RPH3A: variants seen among roughly 807,000 people sequenced by gnomAD.
RPH3A encodes rabphilin-3A.
In RPH3A, 48 loss-of-function variants were observed where a neutral mutation model predicts 102.2. That is an observed-to-expected ratio of 0.47 (90% confidence interval 0.37 to 0.60). RPH3A has a LOEUF of 0.60. Ranked by LOEUF, RPH3A falls within the 20% of genes least tolerant of loss-of-function variation. The pLI is 0.00. For synonymous variants in RPH3A, 310 were observed against 324.3 expected, an observed-to-expected ratio of 0.96 and a Z score of 0.47; for missense variants, 781 against 910.1, an observed-to-expected ratio of 0.86 and a Z score of 1.83.
intron 14 of RPH3A, among the ~76,000 whole-genome samples, chr12:112,881,362 T>C (rs1159495189): frequency 6.6e-6 from 1 of 152,158 alleles, no homozygotes. Context: ...GACCTTGCCT[T>C]TATTCTTCTG....
chr12:112,617,620 C>T (rs978699022), intron 1 of RPH3A: 4 of 152,214 alleles, frequency 2.6e-5, no homozygotes, highest in African/African-American at 9.6e-5. Flanking sequence ...ACGGAAGGAA[C>T]AAAGTTTAAT....
intron 1 of RPH3A, among the ~76,000 whole-genome samples, chr12:112,620,734 G>A (rs992630827): frequency 7.9e-5 from 12 of 152,082 alleles, no homozygotes; most frequent in African/African-American, 2.4e-4. Flanking sequence ...TGCTCCTTCC[G>A]TGGTCTTGCC....
At position 112,883,356 on chromosome 12, in the gene RPH3A, G is replaced by T. The variant is rs35555961; in HGVS notation, c.1390G>T (p.Val464Leu). ...TRNPIWNETL[V>L]YHGITDEDMQ... ...GAACCCCATCTGGAATGAGACCCTCGTGTATCACGGCATCACCGATGAGGA... is the reference window on the plus strand; with the variant it reads ...GAACCCCATCTGGAATGAGACCCTCTTGTATCACGGCATCACCGATGAGGA... The change falls in exon 16 of 22, where the codon GTG (valine) becomes TTG (leucine). Residue 464 changes from valine to leucine, a missense_variant. This residue lies in a region of RPH3A where 730 missense variants were observed against 810.0 expected (regional missense o/e 0.90). Transcript: ENST00000389385. The T allele has an allele frequency of 1.1e-3, 1,845 of 1,614,126 alleles. 3 individuals carry two copies. Among genetic ancestry groups the T allele is most frequent in the Non-Finnish European group, 1.3e-3 (1,533 of 1,180,018 alleles).
rs745314704 is a variant in RPH3A, at chr12:112,869,791, A to C, written c.643A>C (p.Lys215Gln). 6.8e-6 allele frequency: 11 copies of C among 1,614,168 alleles called. No homozygotes were observed. Among genetic ancestry groups the C allele is most frequent in the Non-Finnish European group, 9.3e-6 (11 of 1,180,012 alleles). ...TGAAGATAGGAGGGGCCCGGGTCAG[A>C]AGACAGGTGGGTTCTGCTGACTCTG... ...DSEDRRGPGQ[K>Q]TGPDPASAPG... Residue 215 changes from lysine (K) to glutamine (Q), a missense_variant, in exon 9 of 22, where the codon AAG becomes CAG. Physicochemically the swap from Lys to Gln is moderately conservative, Grantham distance 53. This residue lies in a region of RPH3A where 730 missense variants were observed against 810.0 expected (regional missense o/e 0.90). Coordinates refer to ENST00000389385, the MANE Select transcript of RPH3A (RefSeq NM_001143854.2).
intron 1 of RPH3A, among the ~76,000 whole-genome samples, chr12:112,635,147 G>A (rs775793766): frequency 1.3e-5 from 2 of 152,148 alleles, no homozygotes; most frequent in African/African-American, 4.8e-5. Context: ...TATGGTTTCC[G>A]TTTCAACTAT....
intron 5 of RPH3A, among the ~76,000 whole-genome samples, chr12:112,856,249 T>C (rs536448492): frequency 2.7e-4 from 41 of 152,364 alleles, no homozygotes; most frequent in Non-Finnish European, 4.7e-4. Context: ...CGCATCAAGA[T>C]GTTGCAGCAG....
intron 1 of RPH3A, among the ~76,000 whole-genome samples, chr12:112,756,963 T>C (rs1316662482): frequency 6.6e-6 from 1 of 152,252 alleles, no homozygotes; most frequent in Non-Finnish European, 1.5e-5. Flanking sequence ...GTAGTTTTAC[T>C]TTGCATTTCT....
At chr12:112,787,954 C>T (rs570296713), upstream of RPH3A, among the ~76,000 whole-genome samples, 8 of 152,326 alleles carry the variant, frequency 5.3e-5, no homozygotes, top group South Asian at 2.1e-4. Context: ...GAGGAATCTT[C>T]GCAATGTTCT....
intron 10 of RPH3A, 178 bp from the exon 11 acceptor site, chr12:112,874,904 GTA>G (rs1287330717): frequency 3.5e-6 from 2 of 574,034 alleles, no homozygotes; most frequent in Non-Finnish European, 6.2e-6. Context: ...CAGAGTCTGA[GTA>G]TTGAGAAGAA....
intron 1 of RPH3A, among the ~76,000 whole-genome samples, chr12:112,662,105 T>C (rs2040052782): frequency 6.6e-6 from 1 of 152,216 alleles, no homozygotes; most frequent in South Asian, 2.1e-4. Context: ...TTATTTACTC[T>C]AAAAGCATTG....
At chr12:112,715,415 C>T (rs1297213172) in intron 1 of RPH3A, among the ~76,000 whole-genome samples, 1 of 152,100 alleles carries the variant, frequency 6.6e-6, no homozygotes, top group Non-Finnish European at 1.5e-5. Context: ...TATGTATTGC[C>T]TTTTCCTCTA....
chr12:112,888,068 T>A, intron 17 of RPH3A, 145 bp downstream of exon 17: 2 of 853,884 alleles, frequency 2.3e-6, no homozygotes, highest in Non-Finnish European at 3.6e-6. Flanking sequence ...GAGTCAAGAT[T>A]CCAGCTCACA....
intron 1 of RPH3A, among the ~76,000 whole-genome samples, chr12:112,683,166 G>C (rs566232252): frequency 1.3e-5 from 2 of 152,182 alleles, no homozygotes; most frequent in Admixed American, 6.5e-5. Flanking sequence ...CTTGGTGGTG[G>C]TGTAGGGGGT....
intron 1 of RPH3A, among the ~76,000 whole-genome samples, chr12:112,655,143 C>T (rs1027358876): frequency 2.0e-5 from 3 of 152,216 alleles, no homozygotes; most frequent in Non-Finnish European, 4.4e-5. Context: ...CAGAGCAAGA[C>T]GGTTATCCTG....
At chr12:112,608,056 T>G (rs1223585848) in intron 1 of RPH3A, among the ~76,000 whole-genome samples, 1 of 152,018 alleles carries the variant, frequency 6.6e-6, no homozygotes, top group Non-Finnish European at 1.5e-5. Flanking sequence ...TTTTCCTCTA[T>G]GCATTCATTT....
intron 1 of RPH3A, among the ~76,000 whole-genome samples, chr12:112,668,961 A>G (rs1181166014): frequency 1.3e-5 from 2 of 152,160 alleles, no homozygotes; most frequent in African/African-American, 4.8e-5. Flanking sequence ...ACATGCAGAC[A>G]TTTGTCTCCC....
intron 1 of RPH3A, among the ~76,000 whole-genome samples, chr12:112,593,249 T>C (rs966023848): frequency 6.6e-6 from 1 of 152,162 alleles, no homozygotes; most frequent in African/African-American, 2.4e-5. Context: ...GGTACCTTGA[T>C]TGTGAACTTC....
intron 1 of RPH3A, among the ~76,000 whole-genome samples, chr12:112,776,873 CAAAAAAAAAAAAAAAAAAAAAAA>C (rs548377186): frequency 1.1e-4 from 8 of 73,910 alleles, no homozygotes; most frequent in Admixed American, 5.2e-4. Flanking sequence ...GACTCCATCT[CAAAAAAAAAAAAAAAAAAAAAAA>C]AAAAAAAAAA....
At chr12:112,880,349 C>T (rs529296613) in intron 14 of RPH3A, among the ~76,000 whole-genome samples, 1 of 152,264 alleles carries the variant, frequency 6.6e-6, no homozygotes, top group East Asian at 1.9e-4. Flanking sequence ...AACACTGCCC[C>T]TCCACCCCCG....
Sources: gnomAD v4.1 joint callset for allele counts (sites outside exome capture counted in the v4.1 genomes callset) on GRCh38, gnomAD v4.1.1 for gene constraint, gnomAD v4.1.1 regional missense constraint, MANE v1.5 for transcripts, NCBI Gene and HGNC (gene_info 2026-07-23, HGNC 2026-07-21) for gene names.